Variants in FHL2 observed in about 807,000 individuals in gnomAD.
The protein encoded by FHL2 is four and a half LIM domains 2, also known as four and a half LIM domains protein 2.
In FHL2, 20 loss-of-function variants were observed where a neutral mutation model predicts 32.7. That is an observed-to-expected ratio of 0.61 (90% confidence interval 0.43 to 0.89). The LOEUF (loss-of-function observed/expected upper bound fraction) is 0.89. Ranked by LOEUF, FHL2 falls within the 40% of genes least tolerant of loss-of-function variation. The pLI, the probability that FHL2 is intolerant of heterozygous loss-of-function variation, is 0.00. For missense variants in FHL2, 311 were observed against 358.6 expected, an observed-to-expected ratio of 0.87 and a Z score of 1.07; for synonymous variants, 123 against 128.1, an observed-to-expected ratio of 0.96 and a Z score of 0.27.
upstream of FHL2, chr2:105,399,191 CGCCCCG>C: frequency 7.0e-7 from 1 of 1,423,614 alleles, no homozygotes; most frequent in South Asian, 1.5e-5. Context: ...GCCGTGCCCC[CGCCCCG>C]GGCTGCGGCG....
intron 5 of FHL2, among the ~76,000 whole-genome samples, chr2:105,366,367 G>A (rs1372647911): frequency 2.0e-5 from 3 of 152,210 alleles, no homozygotes; most frequent in Non-Finnish European, 2.9e-5. Flanking sequence ...TGGCCCAGAC[G>A]CAAGGGTAGA....
intron 1 of FHL2, among the ~76,000 whole-genome samples, chr2:105,407,179 T>G (rs1683659051): frequency 6.6e-6 from 1 of 151,950 alleles, no homozygotes; most frequent in Non-Finnish European, 1.5e-5. Context: ...GATCACAAGG[T>G]CAAGAGATAG....
At position 105,372,122 on chromosome 2, in the gene FHL2, A is replaced by C. The variant is rs542801042; in HGVS notation, c.331+1437T>G. ...TGTCATAGTGTGTCACAGTTGTTTT[A>C]AAGTTATATTAACCAGAGAAATGTA... On this transcript the variant is annotated intron_variant, in intron 4 of 6. Coordinates refer to ENST00000530340, the MANE Select transcript of FHL2 (RefSeq NM_001318895.3). 6.6e-5 allele frequency among the ~76,000 whole-genome samples: 10 copies of C among 152,358 alleles called. No individual in the cohort carries two copies. In the South Asian group the frequency reaches 2.1e-3, roughly 32 times the overall value.
At chr2:105,386,319 C>CTAGGGGA in intron 3 of FHL2, 42 bp downstream of exon 3, 1 of 1,604,336 alleles carries the variant, frequency 6.2e-7, no homozygotes, top group Non-Finnish European at 8.5e-7. Flanking sequence ...CCCGTGTTTC[C>CTAGGGGA]TAGGGGAGCG....
intron 1 of FHL2, among the ~76,000 whole-genome samples, chr2:105,437,097 G>T (rs1186081077): frequency 6.6e-6 from 1 of 152,184 alleles, no homozygotes; most frequent in African/African-American, 2.4e-5. Flanking sequence ...TACGAAACCT[G>T]CTGAAAGGCA....
chr2:105,387,346 C>A (rs1682399793), intron 2 of FHL2, among the ~76,000 whole-genome samples: 1 of 152,144 alleles, frequency 6.6e-6, no homozygotes, highest in Non-Finnish European at 1.5e-5. Context: ...ACCTGGGAAA[C>A]CTGAGATTAG....
intron 1 of FHL2, among the ~76,000 whole-genome samples, chr2:105,438,143 T>C (rs1413106057): frequency 6.6e-6 from 1 of 152,222 alleles, no homozygotes; most frequent in Non-Finnish European, 1.5e-5. Flanking sequence ...GCAGGGGTTC[T>C]CTATCTTCAA....
chr2:105,405,801 A>G (rs944043534), intron 1 of FHL2, among the ~76,000 whole-genome samples: 3 of 152,274 alleles, frequency 2.0e-5, no homozygotes, highest in Non-Finnish European at 4.4e-5. Flanking sequence ...CCCCAGGTCC[A>G]GGAGCTCCTA....
At chr2:105,412,472 G>C in intron 1 of FHL2, among the ~76,000 whole-genome samples, 1 of 152,206 alleles carries the variant, frequency 6.6e-6, no homozygotes, top group East Asian at 1.9e-4. Context: ...CATCCAAATA[G>C]AAAATTTTCC....
At chr2:105,438,256 C>A (rs922126710) in intron 1 of FHL2, 22 of 633,638 alleles carry the variant, frequency 3.5e-5, no homozygotes, top group Non-Finnish European at 4.1e-5. Flanking sequence ...CTGGGGTCAG[C>A]GAGCTCCCAG....
At chr2:105,435,408 G>A (rs944194670) in intron 1 of FHL2, among the ~76,000 whole-genome samples, 1 of 152,202 alleles carries the variant, frequency 6.6e-6, no homozygotes, top group Non-Finnish European at 1.5e-5. Flanking sequence ...GTGTTCATAC[G>A]AAACCGTGAA....
chr2:105,406,538 C>A (rs2104649471), intron 1 of FHL2, among the ~76,000 whole-genome samples: 1 of 152,118 alleles, frequency 6.6e-6, no homozygotes, highest in African/African-American at 2.4e-5. Context: ...TCTAGCTTCC[C>A]AGCCATTGCT....
At chr2:105,426,258 G>A (rs1279853968) in intron 1 of FHL2, among the ~76,000 whole-genome samples, 1 of 152,118 alleles carries the variant, frequency 6.6e-6, no homozygotes, top group Non-Finnish European at 1.5e-5. Flanking sequence ...TTTCTAAAAG[G>A]CAATGTGCAT....
At chr2:105,367,518 A>T (rs1427490058) in intron 5 of FHL2, 52 bp downstream of exon 5, 194 of 1,550,706 alleles carry the variant, frequency 1.3e-4, no homozygotes, top group Non-Finnish European at 8.8e-7. Flanking sequence ...GACATGGACC[A>T]TGGAGGCAAA....
At chr2:105,429,074 G>A (rs1684344966) in intron 1 of FHL2, among the ~76,000 whole-genome samples, 1 of 152,212 alleles carries the variant, frequency 6.6e-6, no homozygotes, top group Admixed American at 6.5e-5. Context: ...AAGGGCAGAA[G>A]GGGATGACCT....
At chr2:105,360,285 G>C (rs1312106939), downstream of FHL2, 1 of 134,978 alleles carries the variant, frequency 7.4e-6, no homozygotes, top group African/African-American at 2.7e-5. Context: ...CTGGGCGACA[G>C]AGCGAGACTC....
intron 1 of FHL2, among the ~76,000 whole-genome samples, chr2:105,420,522 C>T (rs551786857): frequency 1.3e-5 from 2 of 152,190 alleles, no homozygotes; most frequent in South Asian, 4.1e-4. Flanking sequence ...ACCCATAACA[C>T]CTTCACTAAT....
At chr2:105,423,309 C>T (rs559647194) in intron 1 of FHL2, among the ~76,000 whole-genome samples, 289 of 152,304 alleles carry the variant, frequency 1.9e-3, no homozygotes, top group Non-Finnish European at 3.4e-3. Context: ...ATTTCATAAA[C>T]CTATTGCATC....
intron 1 of FHL2, among the ~76,000 whole-genome samples, chr2:105,409,655 A>C (rs1486015235): frequency 6.6e-6 from 1 of 152,108 alleles, no homozygotes; most frequent in Admixed American, 6.6e-5. Flanking sequence ...AAATAATATG[A>C]TATTATTGTT....
Sources: allele counts gnomAD v4.1 joint callset (sites outside exome capture counted in the v4.1 genomes callset), GRCh38; gene constraint gnomAD v4.1.1; transcripts MANE v1.5; gene names NCBI Gene and HGNC (gene_info 2026-07-23, HGNC 2026-07-21).